SIN3B: variants seen among roughly 807,000 people sequenced by gnomAD.
SIN3B encodes the protein SIN3 transcription regulator family member B.
SIN3B carries 19 observed loss-of-function variants against 120.2 expected under a neutral mutation model. That is an observed-to-expected ratio of 0.16 (90% CI 0.11 to 0.23). The LOEUF is 0.23. Among genes scored for constraint, SIN3B ranks in the 10% least tolerant of loss-of-function variants. The pLI is 1.00. For synonymous variants in SIN3B, 654 were observed against 653.2 expected (o/e 1.00, Z -0.02); for missense variants, 1,073 against 1,573.0 (o/e 0.68, Z 5.38).
chr19:16,837,729 C>G (rs1282927176), intron 3 of SIN3B, among the ~76,000 whole-genome samples: 2 of 151,948 alleles, frequency 1.3e-5, no homozygotes, highest in African/African-American at 4.8e-5. Context: ...AGAGGGGGTT[C>G]CCATGTGATG....
At chr19:16,855,373 C>CA in intron 8 of SIN3B, 1 of 66,980 alleles carries the variant, frequency 1.5e-5, no homozygotes, top group Non-Finnish European at 3.7e-5. Context: ...GAAACCTTCC[C>CA]CCCCCCCCCC....
rs1234165076 is a variant in SIN3B at position 16,834,503 on chromosome 19, CAAT to C, written c.381+2857_381+2859del. 1.3e-4 allele frequency among the ~76,000 whole-genome samples: 20 copies of C among 152,166 alleles called. 1 individual carries two copies. The highest frequency in any genetic ancestry group is 6.5e-5 in the Admixed American group (1 of 15,274). On this transcript the variant is annotated intron_variant, in intron 3 of 18. Coordinates refer to ENST00000248054, the MANE Select transcript of SIN3B (RefSeq NM_001297595.2). ...GTCTCCCCGTAGGTGGCTTAGGTGA[CAAT>C]GATGACGGTGCAGACCCATCGACTT...
intron 9 of SIN3B, chr19:16,863,399 A>G (rs886299534): frequency 2.3e-5 from 12 of 528,656 alleles, no homozygotes; most frequent in Admixed American, 1.4e-4. Context: ...CATAGGATAT[A>G]TGCAAATAGG....
chr19:16,841,879 G>C lies in SIN3B; in HGVS notation c.493G>C (p.Ala165Pro). ...GTCCGATTCCGTGGAATTCAACAAC[G>C]CCATCAGCTATGTGAATAAGATTAA... ...LESDSVEFNNAISYVNKIKTR... is the reference protein window; with the variant it reads ...LESDSVEFNNPISYVNKIKTR... The change falls in exon 4 of 19, where the codon GCC becomes CCC. Residue 165 changes from alanine (A) to proline (P), a missense_variant. Ala to Pro is a conservative substitution (Grantham distance 27). Transcript: ENST00000248054. 6.2e-7 allele frequency: 1 copy of C among 1,614,000 alleles called. No homozygotes were observed. The highest frequency in any genetic ancestry group is 8.5e-7 in the Non-Finnish European group (1 of 1,179,986).
rs761987982 is a variant in SIN3B at position 16,863,784 on chromosome 19, C to T, written c.1371C>T (p.Asp457=). The change falls in exon 10 of 19, where the codon GAC becomes GAT. Residue 457 remains aspartate (D), a synonymous_variant. Coordinates refer to ENST00000248054, the MANE Select transcript of SIN3B (RefSeq NM_001297595.2). ...PYEEQLHRCE[D]ERFELDVVLE... The stretch of plus-strand genomic sequence containing the variant: ...AGGAGCAGCTTCACCGCTGTGAGGA[C>T]GAGCGCTTCGAGGTGTGTGTGCTGC... 1.5e-5 allele frequency: 25 copies of T among 1,613,152 alleles called. No individual in the cohort carries two copies. In the Middle Eastern group the frequency reaches 5.2e-4, roughly 34 times the overall value.
At position 16,829,841 on chromosome 19, in the gene SIN3B, C is replaced by T; in HGVS notation, c.171C>T (p.Ser57=). The change falls in exon 2 of 19, where the codon AGC becomes AGT. Residue 57 remains serine (S), a synonymous_variant. Transcript: ENST00000248054. ...YLDQVKIRFG[S]DPATYNGFLE... ...ACCAGGTGAAGATCCGCTTTGGCAGCGACCCTGCCACCTACAACGGCTTCC... is the reference window on the plus strand; with the variant it reads ...ACCAGGTGAAGATCCGCTTTGGCAGTGACCCTGCCACCTACAACGGCTTCC... 1 of 1,613,612 alleles carries T rather than the reference C, an allele frequency of 6.2e-7. No homozygotes were observed. The highest frequency in any genetic ancestry group is 2.2e-5 in the East Asian group (1 of 44,864).
In SIN3B at chr19:16,879,521, CG is replaced by C. The variant is rs34913153; in HGVS notation, c.*795del. 1,915 of 152,374 alleles carry C rather than the reference CG, an allele frequency of 0.013. 16 individuals are homozygous for C. Among genetic ancestry groups the C allele is most frequent in the Non-Finnish European group, 0.021 (1,413 of 68,084 alleles). 9.4% of individuals were successfully genotyped at this position (152,374 alleles called of 1,614,324 possible). ...GTGTTCCTGCAGTGGGCACCCTAGG[CG>C]TATGTGTATACACGCACAGATATTT... On this transcript the variant is annotated 3_prime_UTR_variant, in exon 19 of 19. Coordinates refer to ENST00000248054, the MANE Select transcript of SIN3B (RefSeq NM_001297595.2).
rs1419259535 is a variant in SIN3B at position 16,871,324 on chromosome 19, C to G, written c.2518C>G (p.Leu840Val). 6.2e-7 allele frequency: 1 copy of G among 1,613,910 alleles called. No individual in the cohort carries two copies. The highest frequency in any genetic ancestry group is 1.3e-5 in the African/African-American group (1 of 74,934). ...SIDPTQYEDT[L>V]REMFTIHAYV... ...CGACCCCACGCAGTACGAGGACACC[C>G]TACGCGAGATGTTCACCATCCATGC... is the stretch of plus-strand genomic sequence containing the variant. The change falls in exon 14 of 19, where the codon CTA (leucine) becomes GTA (valine). Residue 840 changes from leucine (L) to valine (V), a missense_variant. Around this residue, in one of 7 missense-constraint regions of SIN3B, gnomAD observed 24 missense variants for 65.7 expected, o/e 0.37. Transcript: ENST00000248054.
chr19:16,871,444 G>T, intron 14 of SIN3B, 46 bp downstream of exon 14: 3 of 1,538,504 alleles, frequency 1.9e-6, no homozygotes, highest in Non-Finnish European at 1.8e-6. Flanking sequence ...GGCGGAAATG[G>T]CTCTACCATC....
chr19:16,843,314 G>A (rs1012990467), intron 4 of SIN3B, among the ~76,000 whole-genome samples: 2 of 152,168 alleles, frequency 1.3e-5, no homozygotes, highest in African/African-American at 4.8e-5. Context: ...TTGACATGTC[G>A]AGTCAAGAAG....
intron 5 of SIN3B, among the ~76,000 whole-genome samples, chr19:16,847,393 G>GC (rs1971492679): frequency 6.6e-6 from 1 of 152,210 alleles, no homozygotes; most frequent in African/African-American, 2.4e-5. Flanking sequence ...GAGACTATGG[G>GC]CCCAGGGGTT....
intron 14 of SIN3B, 164 bp from the exon 15 acceptor site, chr19:16,875,881 CTGGTCTGTTT>C (rs2144632645): frequency 6.8e-6 from 5 of 735,918 alleles, no homozygotes; most frequent in South Asian, 3.7e-5. Flanking sequence ...CTGGTCTGGT[CTGGTCTGTTT>C]GGTCTGGTCT....
chr19:16,863,461 G>A (rs1971717092), intron 9 of SIN3B: 7 of 568,720 alleles, frequency 1.2e-5, no homozygotes, highest in South Asian at 2.2e-5. Flanking sequence ...GTCTTCAGGG[G>A]TGGTTCTGGA....
At position 16,869,457 on chromosome 19, in the gene SIN3B, C is replaced by T. The variant is rs369859105; in HGVS notation, c.1807-3C>T. On this transcript the variant is annotated splice_region_variant and splice_polypyrimidine_tract_variant and intron_variant, in intron 12 of 18. Coordinates refer to ENST00000248054, the MANE Select transcript of SIN3B (RefSeq NM_001297595.2). ...CACCTAATGGCCGCCCTTCCCCCCA[C>T]AGCACCAGGAGCAGCACTCGGAGGG... is the stretch of plus-strand genomic sequence containing the variant. 1.1e-4 allele frequency: 178 copies of T among 1,599,876 alleles called. No homozygotes were observed. Among genetic ancestry groups the T allele is most frequent in the Admixed American group, 3.9e-4 (23 of 59,570 alleles).
chr19:16,873,752 C>G (rs1285188222), intron 14 of SIN3B, among the ~76,000 whole-genome samples: 1 of 152,262 alleles, frequency 6.6e-6, no homozygotes, highest in African/African-American at 2.4e-5. Context: ...GCCCTGCTGT[C>G]CCAGCTGTGG....
At chr19:16,871,104 G>A (rs1328115145) in intron 13 of SIN3B, 125 bp from the exon 14 acceptor site, 28 of 1,165,176 alleles carry the variant, frequency 2.4e-5, no homozygotes, top group African/African-American at 3.0e-5. Flanking sequence ...TTTGCCCCAG[G>A]GGTGGCAGGT....
At chr19:16,829,733 G>A in intron 1 of SIN3B, 58 bp from the exon 2 acceptor site, 1 of 1,478,644 alleles carries the variant, frequency 6.8e-7, no homozygotes, top group Admixed American at 1.7e-5. Context: ...AGGGACCCCG[G>A]CCCCTCGTCC....
In SIN3B at chr19:16,876,636, C is replaced by A; in HGVS notation, c.2859+58C>A. 7.3e-7 allele frequency: 1 copy of A among 1,370,282 alleles called. No individual in the cohort carries two copies. Among genetic ancestry groups the A allele is most frequent in the Non-Finnish European group, 1.0e-6 (1 of 970,104 alleles). The allele number at this position is 1,370,282 out of a possible 1,614,324, so 84.9% of individuals were successfully genotyped here. A position where few individuals can be genotyped will look rare whatever the true frequency, so the allele number is the denominator to read the frequency against. On this transcript the variant is annotated intron_variant, in intron 16 of 18. Coordinates refer to ENST00000248054, the MANE Select transcript of SIN3B (RefSeq NM_001297595.2). The surrounding 1 kb of genome is among the most constrained non-coding windows in gnomAD (Gnocchi z 7.1). Reference sequence around the variant, plus strand: ...ACCAGGGAGCGCCTGAGGGCAGCAGCATGGGGCTCCCACCAGCCAAGCGCA... The same window carrying A: ...ACCAGGGAGCGCCTGAGGGCAGCAGAATGGGGCTCCCACCAGCCAAGCGCA...
At chr19:16,858,588 G>A (rs773882) in intron 8 of SIN3B, among the ~76,000 whole-genome samples, 35,209 of 151,986 alleles carry the variant, frequency 0.23, 4,437 homozygotes, top group African/African-American at 0.33. Flanking sequence ...GGGGCCAGGC[G>A]TGGTGGCTCA....
Sources: gnomAD v4.1 joint callset for allele counts (sites outside exome capture counted in the v4.1 genomes callset) on GRCh38, gnomAD v4.1.1 for gene constraint, gnomAD v4.1.1 regional missense constraint, Gnocchi (gnomAD v3.1) non-coding constraint, MANE v1.5 for transcripts, NCBI Gene and HGNC (gene_info 2026-07-23, HGNC 2026-07-21) for gene names.